TMEM63A: variants seen among roughly 807,000 people sequenced by gnomAD.
The protein encoded by TMEM63A is mechanosensitive cation channel TMEM63A.
Under a neutral mutation model 100.6 loss-of-function variants are expected in TMEM63A, and 76 were observed. The ratio of observed to expected loss-of-function variants is 0.76; its 90% CI spans 0.63 to 0.91. The LOEUF (loss-of-function observed/expected upper bound fraction) is 0.91, where lower values mean the gene tolerates loss of function less well. TMEM63A is among the 40% of genes least tolerant of loss of function. The probability of loss-of-function intolerance (pLI) is 0.00; values close to 1 mark genes in which losing one functional copy is unlikely to be tolerated. For synonymous variants in TMEM63A, 401 were observed against 401.1 expected (o/e 1.00, Z 0.00); for missense variants, 876 against 1,008.8 (o/e 0.87, Z 1.78).
At position 225,874,403 on chromosome 1, in the gene TMEM63A, G is replaced by A. The variant is rs759448496; in HGVS notation, c.187-36C>T. The A allele has an allele frequency of 5.6e-5, 89 of 1,583,736 alleles. No homozygotes were observed. The East Asian group carries it at 2.0e-3, about 35-fold the overall frequency. On this transcript the variant is annotated intron_variant, in intron 3 of 24. Transcript: ENST00000366835. ...AAAAGAAACCAAGTAAAAGCATATT[G>A]GATGGCTTCTCATTAGAAGACACAG...
In TMEM63A at chr1:225,866,603, G is replaced by C; in HGVS notation, c.646C>G (p.Gln216Glu). The C allele has an allele frequency of 6.2e-7, 1 of 1,614,092 alleles. No individual in the cohort carries two copies. Among genetic ancestry groups the C allele is most frequent in the Non-Finnish European group, 8.5e-7 (1 of 1,179,970 alleles). ...TTCTCCTCTTTGTACTTAATGGACT[G>C]AGTGTGGTGCCGCATGAAACCCACA... ...LTVGFMRHHT[Q>E]SIKYKEENLV... Residue 216 changes from glutamine to glutamate, a missense_variant, in exon 9 of 25, where the codon CAG (glutamine) becomes GAG (glutamate). Gln to Glu is a conservative substitution (Grantham distance 29, BLOSUM62 2). Coordinates refer to ENST00000366835, the MANE Select transcript of TMEM63A (RefSeq NM_014698.3).
At chr1:225,842,369 C>G (rs771853689), downstream of TMEM63A, 1 of 1,610,910 alleles carries the variant, frequency 6.2e-7, no homozygotes, top group Non-Finnish European at 8.5e-7. Context: ...CCGCCAGGCT[C>G]TGCTCTGAAT....
intron 2 of TMEM63A, among the ~76,000 whole-genome samples, chr1:225,878,885 TACACACACACACACACAC>T (rs55792328): frequency 1.4e-5 from 2 of 139,520 alleles, no homozygotes; most frequent in Admixed American, 7.2e-5. Context: ...CCTACCTACC[TACACACACACACACACAC>T]ACACACACAC....
At chr1:225,881,640 C>T (rs1283150734) in intron 1 of TMEM63A, among the ~76,000 whole-genome samples, 1 of 152,188 alleles carries the variant, frequency 6.6e-6, no homozygotes, top group Non-Finnish European at 1.5e-5. Flanking sequence ...TCAGTGGGTC[C>T]GCCACGCTGT....
At position 225,846,011 on chromosome 1, in the gene TMEM63A, T is replaced by TCC. The variant is rs1668962015; in HGVS notation, c.*927_*928insGG. The TCC allele has an allele frequency of 6.4e-6, 1 of 155,912 alleles. No individual in the cohort carries two copies. The highest frequency in any genetic ancestry group is 2.4e-5 in the African/African-American group (1 of 41,450). 9.7% of individuals were successfully genotyped at this position (155,912 alleles called of 1,614,324 possible). On this transcript the variant is annotated 3_prime_UTR_variant, in exon 25 of 25. Transcript: ENST00000366835. ...GGAGGAGGCTTCTCAGGCAGAAGTC[T>TCC]TAAGTTGCATCCCATTCCCCAGAAT...
intron 2 of TMEM63A, among the ~76,000 whole-genome samples, chr1:225,878,881 TACCTACACACAC>T (rs1375263147): frequency 2.2e-5 from 2 of 89,002 alleles, no homozygotes; most frequent in Admixed American, 1.4e-4. Flanking sequence ...CCTACCTACC[TACCTACACACAC>T]ACACACACAC....
intron 15 of TMEM63A, among the ~76,000 whole-genome samples, chr1:225,857,942 A>G (rs957413264): frequency 6.6e-6 from 1 of 152,246 alleles, no homozygotes; most frequent in African/African-American, 2.4e-5. Flanking sequence ...AAAACTATCT[A>G]TGGAGTCAGA....
intron 1 of TMEM63A, among the ~76,000 whole-genome samples, chr1:225,881,125 A>G (rs935680519): frequency 2.3e-4 from 4 of 17,394 alleles, no homozygotes; most frequent in Admixed American, 1.2e-3. Flanking sequence ...AACCTGGACA[A>G]CTGTTTACCT....
At chr1:225,847,403 A>G (rs910165825) in intron 23 of TMEM63A, 190 bp from the exon 24 acceptor site, 1 of 634,886 alleles carries the variant, frequency 1.6e-6, no homozygotes, top group Admixed American at 3.0e-5. Context: ...AGCCAGGGCA[A>G]AAGAGAAAGC....
In TMEM63A at chr1:225,862,906, A is replaced by C; in HGVS notation, c.747-55T>G. On this transcript the variant is annotated intron_variant, in intron 10 of 24. Transcript: ENST00000366835. The surrounding 1 kb of genome is among the most constrained non-coding windows in gnomAD (Gnocchi z 5.1). Reference sequence around the variant, plus strand: ...ACACCGTTGGAAAAGAAAACACCCCAAGCAGGAGACGTGCCCACGGATCCA... The same window carrying C: ...ACACCGTTGGAAAAGAAAACACCCCCAGCAGGAGACGTGCCCACGGATCCA... The C allele has an allele frequency of 2.6e-6, 4 of 1,532,580 alleles. No homozygotes were observed. Among genetic ancestry groups the C allele is most frequent in the Non-Finnish European group, 3.6e-6 (4 of 1,116,998 alleles). The allele number at this position is 1,532,580 out of a possible 1,614,324, so 94.9% of individuals were successfully genotyped here. A position where few individuals can be genotyped will look rare whatever the true frequency, so the allele number is the denominator to read the frequency against.
At chr1:225,855,318 A>G (rs1194449512) in intron 18 of TMEM63A, among the ~76,000 whole-genome samples, 3 of 152,236 alleles carry the variant, frequency 2.0e-5, no homozygotes, top group Non-Finnish European at 4.4e-5. Flanking sequence ...AGAGAATAAT[A>G]GTATCTTCCT....
At chr1:225,854,334 G>A (rs1364628063) in intron 18 of TMEM63A, among the ~76,000 whole-genome samples, 1 of 152,064 alleles carries the variant, frequency 6.6e-6, no homozygotes, top group Non-Finnish European at 1.5e-5. Flanking sequence ...CAGGACAAGG[G>A]ATCTGTTCCA....
chr1:225,856,834 G>A (rs1417963228), intron 16 of TMEM63A, 77 bp downstream of exon 16: 1 of 1,583,066 alleles, frequency 6.3e-7, no homozygotes, highest in South Asian at 1.1e-5. Flanking sequence ...GAGCAGCTGG[G>A]GGGTTAGGGT....
Position 225,847,367 on chromosome 1 carries a change from A to C in TMEM63A, c.2251-154T>G, listed in dbSNP as rs1280562563. 7 of 869,222 alleles carry C rather than the reference A, an allele frequency of 8.1e-6. No homozygotes were observed. In the African/African-American group the frequency reaches 1.0e-4, roughly 13 times the overall value. The allele number at this position is 869,222 out of a possible 1,614,324, so 53.8% of individuals were successfully genotyped here. A position where few individuals can be genotyped will look rare whatever the true frequency, so the allele number is the denominator to read the frequency against. ...TCCATTTAGGACATTAAGACCGAAAATATGACACCTGCAGAATTTCCTAGC... is the reference window on the plus strand; with the variant it reads ...TCCATTTAGGACATTAAGACCGAAACTATGACACCTGCAGAATTTCCTAGC... On this transcript the variant is annotated intron_variant, in intron 23 of 24. Transcript: ENST00000366835.
chr1:225,871,884 C>T, intron 5 of TMEM63A, 103 bp downstream of exon 5: 1 of 864,956 alleles, frequency 1.2e-6, no homozygotes, highest in Non-Finnish European at 1.9e-6. Context: ...AAAGCACTTT[C>T]TCCAGCACTT....
intron 10 of TMEM63A, chr1:225,863,227 T>G (rs1050424181): frequency 4.1e-6 from 1 of 241,274 alleles, no homozygotes; most frequent in Non-Finnish European, 8.3e-6. Flanking sequence ...TTTTATTTTT[T>G]GTAGAGACGG....
intron 1 of TMEM63A, among the ~76,000 whole-genome samples, chr1:225,881,424 C>T (rs771812896): frequency 3.9e-5 from 6 of 152,234 alleles, no homozygotes; most frequent in Non-Finnish European, 5.9e-5. Context: ...TTTTAAGTCG[C>T]CCCTCCAGCT....
At position 225,849,998 on chromosome 1, in the gene TMEM63A, C is replaced by T. The variant is rs1669238826; in HGVS notation, c.1985G>A (p.Gly662Glu). 1 of 1,614,074 alleles carries T rather than the reference C, an allele frequency of 6.2e-7. No homozygotes were observed. The highest frequency in any genetic ancestry group is 1.1e-5 in the South Asian group (1 of 91,092). Residue 662 changes from glycine (G) to glutamate (E), a missense_variant, in exon 21 of 25, where the codon GGG becomes GAG. Coordinates refer to ENST00000366835, the MANE Select transcript of TMEM63A (RefSeq NM_014698.3). ...FVYLPAKLEK[G>E]IHFAAVNQAL... is the part of the protein sequence containing the mutation. ...CTGGTTCACAGCGGCAAAGTGGATC[C>T]CCTTCTCCAGCTTGGCTGGGAGGTA...
downstream of TMEM63A, chr1:225,845,482 C>T: frequency 1.1e-6 from 1 of 873,070 alleles, no homozygotes; most frequent in South Asian, 1.6e-5. Flanking sequence ...CTCACCCCCT[C>T]ACCCCTCCAA....
Sources: gnomAD v4.1 joint callset for allele counts (sites outside exome capture counted in the v4.1 genomes callset) on GRCh38, gnomAD v4.1.1 for gene constraint, Gnocchi (gnomAD v3.1) non-coding constraint, MANE v1.5 for transcripts, NCBI Gene and HGNC (gene_info 2026-07-23, HGNC 2026-07-21) for gene names.